TCERG1L: variants seen among roughly 807,000 people sequenced by gnomAD.
The protein encoded by TCERG1L is transcription elongation regulator 1-like protein.
TCERG1L carries 37 observed loss-of-function variants against 56.3 expected under a neutral mutation model. The ratio of observed to expected loss-of-function variants is 0.66; its 90% CI spans 0.51 to 0.87. TCERG1L has a LOEUF of 0.87. Among genes scored for constraint, TCERG1L ranks in the 40% least tolerant of loss-of-function variants. The probability of loss-of-function intolerance (pLI) is 0.00; values close to 1 mark genes in which losing one functional copy is unlikely to be tolerated. For missense variants in TCERG1L, 799 were observed against 774.2 expected, an observed-to-expected ratio of 1.03 and a Z score of -0.38; for synonymous variants, 324 against 326.3, an observed-to-expected ratio of 0.99 and a Z score of 0.08.
At chr10:131,273,498 AG>A (rs1409826431) in intron 3 of TCERG1L, among the ~76,000 whole-genome samples, 1 of 152,242 alleles carries the variant, frequency 6.6e-6, no homozygotes, top group African/African-American at 2.4e-5. Context: ...CTGAGGAATG[AG>A]GCTTTGGGAA....
At chr10:131,183,683 C>A (rs916514939) in intron 4 of TCERG1L, among the ~76,000 whole-genome samples, 1 of 152,176 alleles carries the variant, frequency 6.6e-6, no homozygotes, top group African/African-American at 2.4e-5. Context: ...ACCCATGCCC[C>A]GCCACTGACT....
chr10:131,250,588 G>T (rs1412163479), intron 4 of TCERG1L, among the ~76,000 whole-genome samples: 8 of 152,096 alleles, frequency 5.3e-5, no homozygotes, highest in Non-Finnish European at 8.8e-5. Flanking sequence ...GTCACTCATC[G>T]CTTGCCTAGA....
At chr10:131,189,113 T>C (rs978558140) in intron 4 of TCERG1L, among the ~76,000 whole-genome samples, 5 of 152,238 alleles carry the variant, frequency 3.3e-5, no homozygotes, top group African/African-American at 1.2e-4. Flanking sequence ...AAAGGACATG[T>C]AGGTTTTTCT....
At chr10:131,218,579 C>T (rs1437678796) in intron 4 of TCERG1L, among the ~76,000 whole-genome samples, 2 of 152,306 alleles carry the variant, frequency 1.3e-5, no homozygotes, top group Non-Finnish European at 2.9e-5. Context: ...CTGCAACCTC[C>T]GCTTCCCAAG....
At chr10:131,254,023 T>G (rs1846142259) in intron 4 of TCERG1L, among the ~76,000 whole-genome samples, 1 of 152,112 alleles carries the variant, frequency 6.6e-6, no homozygotes, top group African/African-American at 2.4e-5. Flanking sequence ...ATGGGAGGAC[T>G]CGGGCCACGT....
At chr10:131,202,721 T>C (rs10829945) in intron 4 of TCERG1L, among the ~76,000 whole-genome samples, 35,248 of 152,196 alleles carry the variant, frequency 0.23, 5,005 homozygotes, top group Non-Finnish European at 0.32. Flanking sequence ...TCCATAGGCT[T>C]GCATGGAATA....
At chr10:131,160,145 G>C (rs1341313520) in intron 6 of TCERG1L, among the ~76,000 whole-genome samples, 1 of 152,174 alleles carries the variant, frequency 6.6e-6, no homozygotes, top group Non-Finnish European at 1.5e-5. Context: ...CCAGCGTGAA[G>C]CTTCTCCGTC....
chr10:131,219,169 G>T (rs1406431044), intron 4 of TCERG1L, among the ~76,000 whole-genome samples: 1 of 152,164 alleles, frequency 6.6e-6, no homozygotes, highest in Non-Finnish European at 1.5e-5. Context: ...CTCTGCCCAT[G>T]TCTCAGCCTG....
chr10:131,196,132 A>C (rs1261748197), intron 4 of TCERG1L, among the ~76,000 whole-genome samples: 4 of 152,234 alleles, frequency 2.6e-5, no homozygotes, highest in Admixed American at 6.5e-5. Flanking sequence ...GAGACAAAAT[A>C]AGAGAAATAA....
intron 4 of TCERG1L, among the ~76,000 whole-genome samples, chr10:131,177,424 G>A (rs1278097471): frequency 6.6e-6 from 1 of 152,234 alleles, no homozygotes; most frequent in African/African-American, 2.4e-5. Context: ...ATACATGTAC[G>A]TAAACGTGAA....
intron 9 of TCERG1L, among the ~76,000 whole-genome samples, chr10:131,106,872 T>C (rs1216018944): frequency 2.0e-5 from 3 of 152,212 alleles, no homozygotes. Context: ...TATCTTTAAC[T>C]GTCAAATTTA....
At chr10:131,253,182 G>A (rs1293625843) in intron 4 of TCERG1L, among the ~76,000 whole-genome samples, 2 of 152,172 alleles carry the variant, frequency 1.3e-5, no homozygotes, top group African/African-American at 2.4e-5. Flanking sequence ...GGCCACCATC[G>A]CAGCCACCGG....
intron 3 of TCERG1L, among the ~76,000 whole-genome samples, chr10:131,262,757 T>A (rs117635410): frequency 0.018 from 2,799 of 152,202 alleles, 66 homozygotes; most frequent in East Asian, 0.042. Flanking sequence ...TCACAGCCAT[T>A]GTACCACCAC....
intron 8 of TCERG1L, among the ~76,000 whole-genome samples, chr10:131,119,289 C>T (rs542727637): frequency 1.1e-4 from 17 of 152,212 alleles, no homozygotes; most frequent in South Asian, 6.2e-4. Flanking sequence ...TTAATCCCAA[C>T]GAATACAAAA....
chr10:131,107,452 T>C (rs1448545857), intron 9 of TCERG1L, among the ~76,000 whole-genome samples: 1 of 152,126 alleles, frequency 6.6e-6, no homozygotes, highest in Non-Finnish European at 1.5e-5. Flanking sequence ...AAACCAACTG[T>C]GTCATGTCAG....
At chr10:131,296,475 T>C (rs1846691647) in intron 3 of TCERG1L, among the ~76,000 whole-genome samples, 1 of 152,210 alleles carries the variant, frequency 6.6e-6, no homozygotes, top group African/African-American at 2.4e-5. Flanking sequence ...GATGTTCTAT[T>C]GGTCTTTATT....
rs560616914 is a variant in TCERG1L, at chr10:131,272,178, C to CCTCCACACACAG, written c.671-11746_671-11735dup. 5.4e-4 allele frequency among the ~76,000 whole-genome samples: 82 copies of CCTCCACACACAG among 152,264 alleles called. No homozygotes were observed. In the South Asian group the frequency reaches 0.017, roughly 32 times the overall value. ...TCCTCTGAGAACACCGTGTCTTGCG[C>CCTCCACACACAG]CTCCACACACAGCTCCACACACAGC... On this transcript the variant is annotated intron_variant, in intron 3 of 11. Transcript: ENST00000368642.
At chr10:131,155,685 G>A (rs1403057053) in intron 6 of TCERG1L, among the ~76,000 whole-genome samples, 2 of 152,284 alleles carry the variant, frequency 1.3e-5, no homozygotes, top group Admixed American at 1.3e-4. Context: ...GCAGGCAGGG[G>A]GCTGACAGCA....
chr10:131,270,620 C>T (rs1846330359), intron 3 of TCERG1L, among the ~76,000 whole-genome samples: 1 of 152,254 alleles, frequency 6.6e-6, no homozygotes, highest in East Asian at 1.9e-4. Context: ...TGCCCAGCCC[C>T]GCATGGCTGC....
Sources: gnomAD v4.1 joint callset for allele counts (sites outside exome capture counted in the v4.1 genomes callset) on GRCh38, gnomAD v4.1.1 for gene constraint, MANE v1.5 for transcripts, NCBI Gene and HGNC (gene_info 2026-07-23, HGNC 2026-07-21) for gene names.